The following LNX2 variants were observed in gnomAD, a reference collection of about 807,000 sequenced individuals.
The protein encoded by LNX2 is ligand of numb-protein X 2.
In LNX2, 35 loss-of-function variants were observed where a neutral mutation model predicts 66.2. The observed-to-expected ratio is 0.53, with a 90% CI of 0.40 to 0.70. LNX2 has a LOEUF of 0.70. Ranked by LOEUF, LNX2 falls within the 30% of genes least tolerant of loss-of-function variation. The probability of loss-of-function intolerance (pLI) is 0.00; values close to 1 mark genes in which losing one functional copy is unlikely to be tolerated. For synonymous variants in LNX2, 337 were observed against 315.6 expected (o/e 1.07, Z -0.72); for missense variants, 791 against 850.8 (o/e 0.93, Z 0.87).
rs1164191138 is a variant in LNX2 at position 27,553,521 on chromosome 13, CAA to C, written c.1547-84_1547-83del. The C allele has an allele frequency of 3.6e-5, 36 of 1,006,404 alleles. No individual in the cohort carries two copies. The South Asian group carries it at 4.1e-4, about 11-fold the overall frequency. The allele number at this position is 1,006,404 out of a possible 1,614,324, so 62.3% of individuals were successfully genotyped here. ...ATCTTGTTGTTTATAAACTAAGCAA[CAA>C]AAGTTAGTTCCCCCAACTCTGATGA... On this transcript the variant is annotated intron_variant, in intron 7 of 9. Coordinates refer to ENST00000316334, the MANE Select transcript of LNX2 (RefSeq NM_153371.4).
At chr13:27,593,833 C>T (rs1397806538) in intron 1 of LNX2, among the ~76,000 whole-genome samples, 7 of 150,584 alleles carry the variant, frequency 4.6e-5, no homozygotes, top group Middle Eastern at 3.2e-3. Flanking sequence ...TGACCTCAAG[C>T]GATCTGCCTG....
intron 2 of LNX2, among the ~76,000 whole-genome samples, chr13:27,571,697 T>C (rs1216526349): frequency 2.0e-5 from 3 of 152,100 alleles, no homozygotes; most frequent in Non-Finnish European, 4.4e-5. Flanking sequence ...TATGTGAATC[T>C]CAATAAAACT....
intron 7 of LNX2, among the ~76,000 whole-genome samples, chr13:27,554,435 CT>C (rs1955036474): frequency 6.6e-6 from 1 of 151,588 alleles, no homozygotes; most frequent in Non-Finnish European, 1.5e-5. Context: ...TACTAATCTA[CT>C]TTCTGTCTCT....
intron 1 of LNX2, among the ~76,000 whole-genome samples, chr13:27,587,371 T>C (rs541514129): frequency 1.3e-5 from 2 of 152,252 alleles, no homozygotes; most frequent in African/African-American, 4.8e-5. Context: ...CTCATCTGCC[T>C]CCCCTCCTCT....
intron 1 of LNX2, among the ~76,000 whole-genome samples, chr13:27,587,861 AAT>A (rs1166546280): frequency 9.2e-5 from 14 of 152,022 alleles, no homozygotes; most frequent in African/African-American, 3.4e-4. Context: ...CTCTACTAAA[AAT>A]ACAAAAAATT....
chr13:27,579,649 A>T (rs1955376788), intron 2 of LNX2, among the ~76,000 whole-genome samples: 1 of 152,234 alleles, frequency 6.6e-6, no homozygotes, highest in South Asian at 2.1e-4. Flanking sequence ...AAAATCTGTG[A>T]AACTGTTATC....
At chr13:27,606,250 T>C (rs918135445) in intron 1 of LNX2, among the ~76,000 whole-genome samples, 3 of 152,190 alleles carry the variant, frequency 2.0e-5, no homozygotes, top group African/African-American at 7.2e-5. Flanking sequence ...GGTTGTGCTA[T>C]ATTTGCTAGA....
chr13:27,562,377 G>T, intron 5 of LNX2, 36 bp downstream of exon 5: 2 of 1,576,290 alleles, frequency 1.3e-6, no homozygotes, highest in South Asian at 1.2e-5. Context: ...TGATCATTTC[G>T]GCCAAGCCTT....
At chr13:27,604,053 G>C (rs59377366) in intron 1 of LNX2, among the ~76,000 whole-genome samples, 1 of 151,518 alleles carries the variant, frequency 6.6e-6, no homozygotes, top group African/African-American at 2.4e-5. Flanking sequence ...AGGAGATCAA[G>C]ACCATCCTGC....
chr13:27,613,228 A>T (rs554356596), intron 1 of LNX2, among the ~76,000 whole-genome samples: 1 of 152,222 alleles, frequency 6.6e-6, no homozygotes, highest in South Asian at 2.1e-4. Context: ...ATGGGCTTCC[A>T]AACTGGATAG....
intron 2 of LNX2, among the ~76,000 whole-genome samples, chr13:27,577,775 C>A (rs1346934573): frequency 6.6e-6 from 1 of 152,108 alleles, no homozygotes; most frequent in Non-Finnish European, 1.5e-5. Context: ...CACAAACACA[C>A]AATTTAAAAA....
At chr13:27,608,598 T>C (rs1279265142) in intron 1 of LNX2, among the ~76,000 whole-genome samples, 4 of 152,188 alleles carry the variant, frequency 2.6e-5, no homozygotes, top group Non-Finnish European at 5.9e-5. Flanking sequence ...TAGTTTATAA[T>C]GTATACAATA....
Position 27,567,816 on chromosome 13 carries a change from G to T in LNX2, c.679C>A (p.Pro227Thr). The change falls in exon 4 of 10, where the codon CCA becomes ACA. Residue 227 changes from proline (P) to threonine (T), a missense_variant. By Grantham distance (38) the Pro-to-Thr change is conservative. Transcript: ENST00000316334. ...ADTTQQPLSL[P>T]EGEITTIEIH... Reference sequence around the variant, plus strand: ...TCAATCGTGGTGATTTCTCCTTCTGGTAAACTAAGTGGCTGTTGTGTGGCT... The same window carrying T: ...TCAATCGTGGTGATTTCTCCTTCTGTTAAACTAAGTGGCTGTTGTGTGGCT... 1.2e-6 allele frequency: 2 copies of T among 1,613,954 alleles called. No homozygotes were observed. Among genetic ancestry groups the T allele is most frequent in the Non-Finnish European group, 1.7e-6 (2 of 1,179,946 alleles).
chr13:27,551,570 C>T (rs974549054), intron 8 of LNX2, among the ~76,000 whole-genome samples: 10 of 151,570 alleles, frequency 6.6e-5, no homozygotes, highest in Non-Finnish European at 7.4e-5. Flanking sequence ...TCTAAATGCA[C>T]GGAAGGCAAG....
chr13:27,582,351 AAAC>A (rs1955408033), intron 1 of LNX2, among the ~76,000 whole-genome samples: 1 of 152,116 alleles, frequency 6.6e-6, no homozygotes, highest in African/African-American at 2.4e-5. Context: ...CTTGATAAAA[AAAC>A]AACTTTTGAT....
chr13:27,585,639 G>C (rs1955476588), intron 1 of LNX2, among the ~76,000 whole-genome samples: 1 of 152,046 alleles, frequency 6.6e-6, no homozygotes, highest in Non-Finnish European at 1.5e-5. Context: ...ATCTCAGCCA[G>C]ACAGACACGT....
intron 1 of LNX2, among the ~76,000 whole-genome samples, chr13:27,593,044 T>C (rs1241626360): frequency 3.3e-5 from 5 of 152,210 alleles, no homozygotes. Flanking sequence ...TGTATCTTGG[T>C]AGGAAGTGAA....
At chr13:27,590,019 G>A (rs1006695530) in intron 1 of LNX2, among the ~76,000 whole-genome samples, 9 of 152,046 alleles carry the variant, frequency 5.9e-5, no homozygotes, top group Non-Finnish European at 1.2e-4. Context: ...GCATGATCTC[G>A]GCTCACTGCA....
intron 1 of LNX2, among the ~76,000 whole-genome samples, chr13:27,584,206 C>A (rs542722897): frequency 6.6e-6 from 1 of 152,046 alleles, no homozygotes; most frequent in South Asian, 2.1e-4. Flanking sequence ...TCTCCAATCA[C>A]GTATATGTAT....
Sources: allele counts gnomAD v4.1 joint callset (sites outside exome capture counted in the v4.1 genomes callset), GRCh38; gene constraint gnomAD v4.1.1; transcripts MANE v1.5; gene names NCBI Gene and HGNC (gene_info 2026-07-23, HGNC 2026-07-21).